The following KAZN variants were observed in gnomAD, a reference collection of about 807,000 sequenced individuals.
The protein encoded by KAZN is kazrin.
In KAZN, 40 loss-of-function variants were observed where a neutral mutation model predicts 87.4. The observed-to-expected ratio is 0.46, with a 90% CI of 0.36 to 0.60. The LOEUF (loss-of-function observed/expected upper bound fraction) is 0.60. KAZN is among the 20% of genes least tolerant of loss of function. The probability of loss-of-function intolerance (pLI) is 0.00; values close to 1 mark genes in which losing one functional copy is unlikely to be tolerated. For missense variants in KAZN, 898 were observed against 1,073.9 expected (o/e 0.84, Z 2.29); for synonymous variants, 466 against 458.3 (o/e 1.02, Z -0.22).
chr1:13,927,327 T>C (rs1640318614), intron 1 of KAZN, among the ~76,000 whole-genome samples: 1 of 152,174 alleles, frequency 6.6e-6, no homozygotes, highest in Non-Finnish European at 1.5e-5. Flanking sequence ...ACTTTCTGTA[T>C]AAAACAGAGC....
chr1:14,579,189 A>G (rs1487892752), intron 2 of KAZN, among the ~76,000 whole-genome samples: 1 of 152,184 alleles, frequency 6.6e-6, no homozygotes, highest in East Asian at 1.9e-4. Context: ...TTGAAATCTC[A>G]GCTTATAACA....
At chr1:14,656,388 G>A (rs558574793) in intron 1 of KAZN, among the ~76,000 whole-genome samples, 51 of 152,314 alleles carry the variant, frequency 3.3e-4, no homozygotes, top group Non-Finnish European at 6.6e-4. Flanking sequence ...AGAGGAGGAT[G>A]CTGGCTGGAA....
At chr1:14,467,340 AAAC>A (rs1361088839) in intron 2 of KAZN, among the ~76,000 whole-genome samples, 2 of 151,294 alleles carry the variant, frequency 1.3e-5, no homozygotes, top group African/African-American at 2.4e-5. Context: ...TATAAAAAAA[AAAC>A]AACAAGGAAA....
intron 1 of KAZN, among the ~76,000 whole-genome samples, chr1:14,763,737 T>C (rs983845746): frequency 7.9e-5 from 12 of 152,164 alleles, no homozygotes; most frequent in Non-Finnish European, 1.3e-4. Flanking sequence ...TAGGTATTGA[T>C]ACTTGTTTTA....
At chr1:13,899,644 CTTT>C (rs35127542) in intron 1 of KAZN, among the ~76,000 whole-genome samples, 60 of 136,934 alleles carry the variant, frequency 4.4e-4, no homozygotes, top group Admixed American at 7.2e-4. Flanking sequence ...CTTGGTTGTC[CTTT>C]TTTTTTTTTT....
chr1:14,808,661 C>T (rs578010995), intron 1 of KAZN, among the ~76,000 whole-genome samples: 13 of 152,198 alleles, frequency 8.5e-5, no homozygotes, highest in African/African-American at 2.6e-4. Context: ...GTCTTAGACT[C>T]TGGGGGATGT....
chr1:15,005,441 G>A (rs1302069008), intron 2 of KAZN, among the ~76,000 whole-genome samples: 1 of 152,082 alleles, frequency 6.6e-6, no homozygotes, highest in African/African-American at 2.4e-5. Context: ...AGCCAGAATT[G>A]TGCCCACCCC....
chr1:14,497,766 A>G (rs1444232303), intron 2 of KAZN, among the ~76,000 whole-genome samples: 2 of 152,010 alleles, frequency 1.3e-5, no homozygotes, highest in Admixed American at 1.3e-4. Context: ...CGATCAACAT[A>G]TTGACTATTG....
In KAZN at chr1:14,598,795, C is replaced by G; in HGVS notation, c.-203C>G. On this transcript the variant is annotated 5_prime_UTR_variant, in exon 1 of 15. Coordinates refer to ENST00000376030, the MANE Select transcript of KAZN (RefSeq NM_201628.3). The surrounding 1 kb of genome is among the most constrained non-coding windows in gnomAD (Gnocchi z 4.2). ...TCCGCCTCCTCCCCCCGCCGCCTCG[C>G]CACCGCCGCGGCTAGGGCTGGAGGC... The G allele has an allele frequency of 7.4e-7, 1 of 1,348,654 alleles. No individual in the cohort carries two copies. Among genetic ancestry groups the G allele is most frequent in the Non-Finnish European group, 9.5e-7 (1 of 1,054,064 alleles). The allele number at this position is 1,348,654 out of a possible 1,614,324, so 83.5% of individuals were successfully genotyped here.
intron 2 of KAZN, among the ~76,000 whole-genome samples, chr1:14,264,256 A>G (rs1651305630): frequency 6.6e-6 from 1 of 152,092 alleles, no homozygotes; most frequent in Admixed American, 6.5e-5. Flanking sequence ...CAATTGTAGG[A>G]CTGAAGTCTC....
At chr1:13,968,983 A>C (rs185085074) in intron 1 of KAZN, among the ~76,000 whole-genome samples, 1 of 152,318 alleles carries the variant, frequency 6.6e-6, no homozygotes, top group East Asian at 1.9e-4. Flanking sequence ...TCAACTTATC[A>C]AGTCTAAAAT....
intron 1 of KAZN, among the ~76,000 whole-genome samples, chr1:14,063,708 A>T (rs1642886012): frequency 6.6e-6 from 1 of 152,196 alleles, no homozygotes; most frequent in Admixed American, 6.5e-5. Context: ...CTGGAATTAT[A>T]ATAATCCCCA....
chr1:14,213,648 T>G (rs905456419), intron 2 of KAZN, among the ~76,000 whole-genome samples: 1 of 152,204 alleles, frequency 6.6e-6, no homozygotes, highest in Non-Finnish European at 1.5e-5. Flanking sequence ...GATAAGGACT[T>G]TGGCTTTTAC....
At chr1:14,637,632 G>A (rs1257313879) in intron 1 of KAZN, among the ~76,000 whole-genome samples, 1 of 152,110 alleles carries the variant, frequency 6.6e-6, no homozygotes, top group East Asian at 1.9e-4. Flanking sequence ...GAGTGTGTGT[G>A]TGGGGGCGGG....
chr1:14,168,412 G>A (rs943384275), intron 1 of KAZN, among the ~76,000 whole-genome samples: 3 of 152,084 alleles, frequency 2.0e-5, no homozygotes, highest in African/African-American at 7.2e-5. Flanking sequence ...AGAGGGAGAC[G>A]CTGAATGTGA....
At chr1:14,555,084 T>C (rs931368654) in intron 2 of KAZN, among the ~76,000 whole-genome samples, 5 of 152,258 alleles carry the variant, frequency 3.3e-5, no homozygotes, top group Non-Finnish European at 5.9e-5. Flanking sequence ...TTGGGTCTCC[T>C]ATCTGCTGTC....
chr1:14,505,950 G>A (rs1232362363), intron 2 of KAZN, among the ~76,000 whole-genome samples: 3 of 152,130 alleles, frequency 2.0e-5, no homozygotes, highest in Non-Finnish European at 4.4e-5. Context: ...CTCCAGCCTG[G>A]GCAACAGAGC....
At chr1:14,738,289 C>T (rs1643973453) in intron 1 of KAZN, among the ~76,000 whole-genome samples, 1 of 152,132 alleles carries the variant, frequency 6.6e-6, no homozygotes, top group Non-Finnish European at 1.5e-5. Flanking sequence ...GTGCAGGATC[C>T]TTCTCTCCCC....
At chr1:14,704,237 A>AAGGGGATTCG (rs1553213332) in intron 1 of KAZN, among the ~76,000 whole-genome samples, 1 of 152,228 alleles carries the variant, frequency 6.6e-6, no homozygotes, top group East Asian at 1.9e-4. Flanking sequence ...TCTCCCATTC[A>AAGGGGATTCG]AGGGGATTTT....
Sources: allele counts gnomAD v4.1 joint callset (sites outside exome capture counted in the v4.1 genomes callset), GRCh38; gene constraint gnomAD v4.1.1; non-coding constraint Gnocchi (gnomAD v3.1); transcripts MANE v1.5; gene names NCBI Gene and HGNC (gene_info 2026-07-23, HGNC 2026-07-21).